Variants in HS3ST2 observed in about 807,000 individuals in gnomAD.
HS3ST2 encodes heparan sulfate-glucosamine 3-sulfotransferase 2, also known as heparan sulfate glucosamine 3-O-sulfotransferase 2.
HS3ST2 carries 17 observed loss-of-function variants against 26.3 expected under a neutral mutation model. That is an observed-to-expected ratio of 0.65 (90% CI 0.44 to 0.97). HS3ST2 has a LOEUF of 0.97. HS3ST2 is among the 50% of genes least tolerant of loss of function. HS3ST2 has a pLI of 0.00. For synonymous variants in HS3ST2, 237 were observed against 219.2 expected (o/e 1.08, Z -0.72); for missense variants, 402 against 501.2 (o/e 0.80, Z 1.89).
At chr16:22,911,265 G>C (rs1449739555) in intron 1 of HS3ST2, among the ~76,000 whole-genome samples, 1 of 152,152 alleles carries the variant, frequency 6.6e-6, no homozygotes, top group East Asian at 1.9e-4. Flanking sequence ...AATTAGAACA[G>C]GAAAATTGAT....
At chr16:22,850,365 A>C (rs1352084864) in intron 1 of HS3ST2, among the ~76,000 whole-genome samples, 1 of 152,224 alleles carries the variant, frequency 6.6e-6, no homozygotes, top group Non-Finnish European at 1.5e-5. Context: ...ATACCTTATA[A>C]TGGCATGCCA....
intron 1 of HS3ST2, among the ~76,000 whole-genome samples, chr16:22,839,175 G>T (rs147824073): frequency 6.6e-6 from 1 of 152,124 alleles, no homozygotes; most frequent in Non-Finnish European, 1.5e-5. Context: ...AAAAGTGCTC[G>T]GCACATAAAA....
chr16:22,845,843 CT>C (rs2141183810), intron 1 of HS3ST2, among the ~76,000 whole-genome samples: 1 of 152,264 alleles, frequency 6.6e-6, no homozygotes, highest in African/African-American at 2.4e-5. Context: ...AAGTTCCAGT[CT>C]TTTCAGATTG....
At chr16:22,863,006 C>T (rs10444989) in intron 1 of HS3ST2, among the ~76,000 whole-genome samples, 2,672 of 152,308 alleles carry the variant, frequency 0.018, 40 homozygotes, top group Admixed American at 0.037. Context: ...GGGGTTAGGA[C>T]CCGCTGGGGA....
At chr16:22,857,952 T>G (rs1901620418) in intron 1 of HS3ST2, among the ~76,000 whole-genome samples, 1 of 152,164 alleles carries the variant, frequency 6.6e-6, no homozygotes, top group Non-Finnish European at 1.5e-5. Context: ...GAGAGATTCT[T>G]AAGTAGGATA....
chr16:22,823,507 T>C (rs1901032187), intron 1 of HS3ST2, among the ~76,000 whole-genome samples: 1 of 151,982 alleles, frequency 6.6e-6, no homozygotes, highest in South Asian at 2.1e-4. Context: ...GTAAATCCAA[T>C]GATGGGCTGG....
In HS3ST2 at chr16:22,814,678, C is replaced by G. The variant is rs1031212111; in HGVS notation, c.68C>G (p.Ala23Gly). ...CGGAGGGCGCGCAGGCTGCTCTTCG[C>G]CTTCACGCTCTCGCTCTCCTGCACT... ...QPRRARRLLF[A>G]FTLSLSCTYL... The change falls in exon 1 of 2, where the codon GCC becomes GGC. Residue 23 changes from alanine (A) to glycine (G), a missense_variant. Physicochemically the swap from Ala to Gly is moderately conservative, Grantham distance 60. This residue lies in a region of HS3ST2 where 165 missense variants were observed against 154.6 expected (regional missense o/e 1.07). Coordinates refer to ENST00000261374, the MANE Select transcript of HS3ST2 (RefSeq NM_006043.2). The G allele has an allele frequency of 1.3e-6, 2 of 1,596,514 alleles. No individual in the cohort carries two copies. The highest frequency in any genetic ancestry group is 1.7e-6 in the Non-Finnish European group (2 of 1,173,032).
At chr16:22,821,295 A>G (rs1175351210) in intron 1 of HS3ST2, among the ~76,000 whole-genome samples, 1 of 151,728 alleles carries the variant, frequency 6.6e-6, no homozygotes, top group Non-Finnish European at 1.5e-5. Context: ...GATTTGAAGC[A>G]GAGTCAATGC....
rs563735197 is a variant in HS3ST2 at position 22,837,808 on chromosome 16, T to G, written c.485+22713T>G. 3.6e-3 allele frequency among the ~76,000 whole-genome samples: 551 copies of G among 152,080 alleles called. 1 individual carries two copies. Among genetic ancestry groups the G allele is most frequent in the Non-Finnish European group, 6.7e-3 (458 of 67,980 alleles). ...TAAAGTTATGTTCATGTGATCTCTC[T>G]CTAAATATCTTATTTTACTATACTC... On this transcript the variant is annotated intron_variant, in intron 1 of 1. Coordinates refer to ENST00000261374, the MANE Select transcript of HS3ST2 (RefSeq NM_006043.2).
chr16:22,831,481 G>A lies in HS3ST2; in HGVS notation c.485+16386G>A, dbSNP rs553844133. On this transcript the variant is annotated intron_variant, in intron 1 of 1. Transcript: ENST00000261374. ...GAACTGGAGGAAAAGATTCAGCTCCGCAGTATTTTTAGGTCTCCTTCCCTG... is the reference window on the plus strand; with the variant it reads ...GAACTGGAGGAAAAGATTCAGCTCCACAGTATTTTTAGGTCTCCTTCCCTG... Among the ~76,000 whole-genome samples, 19 of 152,234 alleles carry A rather than the reference G, an allele frequency of 1.2e-4. 1 individual carries two copies. The South Asian group carries it at 2.9e-3, about 23-fold the overall frequency.
At chr16:22,903,755 A>G (rs1334451801) in intron 1 of HS3ST2, among the ~76,000 whole-genome samples, 1 of 152,186 alleles carries the variant, frequency 6.6e-6, no homozygotes, top group Non-Finnish European at 1.5e-5. Flanking sequence ...ACACAGCAGG[A>G]CTAGGGATAA....
At chr16:22,908,572 T>C (rs1012169583) in intron 1 of HS3ST2, among the ~76,000 whole-genome samples, 4 of 152,178 alleles carry the variant, frequency 2.6e-5, no homozygotes, top group East Asian at 1.9e-4. Context: ...GGGCTCTCCG[T>C]AGAGTCCCAA....
intron 1 of HS3ST2, among the ~76,000 whole-genome samples, chr16:22,860,258 G>A (rs144788954): frequency 1.3e-5 from 2 of 152,254 alleles, no homozygotes; most frequent in African/African-American, 2.4e-5. Flanking sequence ...CTTACATGGC[G>A]TCCGGCAAGA....
At chr16:22,821,497 G>A (rs1408507028) in intron 1 of HS3ST2, among the ~76,000 whole-genome samples, 5 of 151,940 alleles carry the variant, frequency 3.3e-5, no homozygotes. Context: ...GAGGACTTGA[G>A]GAGAGGTCAT....
At chr16:22,833,847 A>G (rs1233538697) in intron 1 of HS3ST2, among the ~76,000 whole-genome samples, 1 of 152,186 alleles carries the variant, frequency 6.6e-6, no homozygotes, top group Non-Finnish European at 1.5e-5. Flanking sequence ...ATAAAGAGAT[A>G]TTCACGTGGC....
At chr16:22,822,858 A>G (rs1901019195) in intron 1 of HS3ST2, among the ~76,000 whole-genome samples, 1 of 137,790 alleles carries the variant, frequency 7.3e-6, no homozygotes. Context: ...CCGTCTCAGA[A>G]AAAAAAAAAA....
chr16:22,878,107 C>T (rs1901943266), intron 1 of HS3ST2, among the ~76,000 whole-genome samples: 1 of 152,174 alleles, frequency 6.6e-6, no homozygotes, highest in African/African-American at 2.4e-5. Flanking sequence ...AAGATAACAA[C>T]TAGTACCAGA....
intron 1 of HS3ST2, among the ~76,000 whole-genome samples, chr16:22,900,427 C>T (rs1012004): frequency 0.5 from 76,491 of 151,926 alleles, 19,832 homozygotes; most frequent in Admixed American, 0.58. Context: ...TAGCTAGAGA[C>T]AGGCACTGGG....
At chr16:22,893,490 A>G (rs2141201613) in intron 1 of HS3ST2, among the ~76,000 whole-genome samples, 1 of 152,192 alleles carries the variant, frequency 6.6e-6, no homozygotes, top group Non-Finnish European at 1.5e-5. Context: ...ATAGATGTAG[A>G]ATTTACTAAG....
Sources: gnomAD v4.1 joint callset for allele counts (sites outside exome capture counted in the v4.1 genomes callset) on GRCh38, gnomAD v4.1.1 for gene constraint, gnomAD v4.1.1 regional missense constraint, MANE v1.5 for transcripts, NCBI Gene and HGNC (gene_info 2026-07-23, HGNC 2026-07-21) for gene names.